The following KCND3 variants were observed in gnomAD, a reference collection of about 807,000 sequenced individuals.
The protein encoded by KCND3 is potassium voltage-gated channel subfamily D member 3, also known as A-type voltage-gated potassium channel KCND3.
A neutral mutation model predicts 51.1 loss-of-function variants in KCND3; 9 were observed. The ratio of observed to expected loss-of-function variants is 0.18; its 90% confidence interval spans 0.11 to 0.31. The LOEUF (loss-of-function observed/expected upper bound fraction) is 0.31. Among genes scored for constraint, KCND3 ranks in the 10% least tolerant of loss-of-function variants. KCND3 has a pLI of 1.00. For synonymous variants in KCND3, 349 were observed against 368.0 expected, an observed-to-expected ratio of 0.95 and a Z score of 0.59; for missense variants, 526 against 903.8, an observed-to-expected ratio of 0.58 and a Z score of 5.36.
At chr1:111,965,300 G>C (rs1260627169) in intron 2 of KCND3, among the ~76,000 whole-genome samples, 1 of 152,006 alleles carries the variant, frequency 6.6e-6, no homozygotes, top group Non-Finnish European at 1.5e-5. Context: ...GGTCACCTCT[G>C]AAGAGGTAAT....
chr1:111,870,884 C>A (rs191872469), intron 2 of KCND3, among the ~76,000 whole-genome samples: 228 of 152,276 alleles, frequency 1.5e-3, no homozygotes, highest in Middle Eastern at 6.8e-3. Context: ...AATATAACAT[C>A]CCCCTAGTAG....
At position 111,801,689 on chromosome 1, in the gene KCND3, C is replaced by T. The variant is rs543580213; in HGVS notation, c.1107-14583G>A. ...TCAGAGCACTCTGCTCTCCACTGCT[C>T]ATAGGGTAAATCCAGGTTGCTCCAA... is the stretch of plus-strand genomic sequence containing the variant. On this transcript the variant is annotated intron_variant, in intron 2 of 7. Transcript: ENST00000302127. Among the ~76,000 whole-genome samples, 33 of 152,350 alleles carry T rather than the reference C, an allele frequency of 2.2e-4. No homozygotes were observed. The South Asian group carries it at 5.8e-3, about 27-fold the overall frequency.
At chr1:111,892,159 A>T (rs554210700) in intron 2 of KCND3, among the ~76,000 whole-genome samples, 138 of 152,312 alleles carry the variant, frequency 9.1e-4, no homozygotes, top group African/African-American at 3.1e-3. Flanking sequence ...AGAACTGACG[A>T]CGACGGATGA....
intron 2 of KCND3, among the ~76,000 whole-genome samples, chr1:111,832,367 T>C (rs1666873385): frequency 1.3e-5 from 2 of 152,208 alleles, no homozygotes; most frequent in South Asian, 4.1e-4. Flanking sequence ...TCTTTTGTTC[T>C]TTTTCTGGAG....
chr1:111,919,857 GC>G (rs1407640651), intron 2 of KCND3, among the ~76,000 whole-genome samples: 1 of 152,200 alleles, frequency 6.6e-6, no homozygotes, highest in Non-Finnish European at 1.5e-5. Flanking sequence ...TGAAACAGGT[GC>G]CACTCATTTC....
chr1:111,970,022 T>TC (rs1674238964), intron 2 of KCND3, among the ~76,000 whole-genome samples: 1 of 146,406 alleles, frequency 6.8e-6, no homozygotes, highest in Non-Finnish European at 1.5e-5. Context: ...TCTCTCTCTC[T>TC]TTTTTTTTTT....
At chr1:111,888,484 C>A (rs1205083324) in intron 2 of KCND3, among the ~76,000 whole-genome samples, 1 of 151,884 alleles carries the variant, frequency 6.6e-6, no homozygotes, top group Non-Finnish European at 1.5e-5. Context: ...TCAGGCGTTC[C>A]CAGCCTGGCC....
At chr1:111,932,128 C>T (rs1399152007) in intron 2 of KCND3, among the ~76,000 whole-genome samples, 2 of 152,320 alleles carry the variant, frequency 1.3e-5, no homozygotes, top group African/African-American at 4.8e-5. Context: ...CCTCTTCCAC[C>T]TTAAAGACCC....
intron 2 of KCND3, among the ~76,000 whole-genome samples, chr1:111,827,583 C>T (rs780258138): frequency 6.6e-6 from 1 of 152,176 alleles, no homozygotes; most frequent in East Asian, 1.9e-4. Flanking sequence ...AAGTACATGC[C>T]AAGCGCTGGA....
intron 2 of KCND3, among the ~76,000 whole-genome samples, chr1:111,951,157 C>CAAAAAAAAAA (rs71081206): frequency 2.6e-4 from 8 of 30,636 alleles, no homozygotes; most frequent in East Asian, 5.6e-4. Context: ...CAAACAAGAG[C>CAAAAAAAAAA]AAAAAAAAAA....
chr1:111,899,339 A>G (rs1164780853), intron 2 of KCND3, among the ~76,000 whole-genome samples: 1 of 152,254 alleles, frequency 6.6e-6, no homozygotes, highest in African/African-American at 2.4e-5. Flanking sequence ...TGCAAACACC[A>G]GTCCCTCTCC....
intron 2 of KCND3, among the ~76,000 whole-genome samples, chr1:111,969,897 A>G (rs1230796549): frequency 6.6e-6 from 1 of 151,488 alleles, no homozygotes; most frequent in African/African-American, 2.4e-5. Context: ...GCCCCTGTGC[A>G]CTCTCCTGCT....
At chr1:111,803,721 C>T (rs569092101) in intron 2 of KCND3, among the ~76,000 whole-genome samples, 2 of 152,294 alleles carry the variant, frequency 1.3e-5, no homozygotes, top group Admixed American at 1.3e-4. Context: ...ATAGGATGTG[C>T]AGTGTGCTGA....
chr1:111,985,608 A>G lies in KCND3; in HGVS notation c.-72-2810T>C, dbSNP rs141257608. 1.9e-4 allele frequency among the ~76,000 whole-genome samples: 29 copies of G among 152,346 alleles called. No homozygotes were observed. The East Asian group carries it at 5.4e-3, about 28-fold the overall frequency. ...CAACTTTACTCTATGCCTTGCTAAT[A>G]TATTTCAGGGGTTGCCAAGGGTGAG... On this transcript the variant is annotated intron_variant, in intron 1 of 7. Transcript: ENST00000302127.
chr1:111,812,031 G>A (rs612231), intron 2 of KCND3, among the ~76,000 whole-genome samples: 57,408 of 152,060 alleles, frequency 0.38, 11,368 homozygotes, highest in South Asian at 0.53. Context: ...CAGTGTTCTC[G>A]TCTGGAAATG....
intron 2 of KCND3, among the ~76,000 whole-genome samples, chr1:111,867,534 A>G (rs1571766621): frequency 6.6e-6 from 1 of 152,102 alleles, no homozygotes; most frequent in Admixed American, 6.5e-5. Context: ...CCCTTTCCCT[A>G]TGGGAACACC....
At chr1:111,898,383 ACAT>A (rs1670222231) in intron 2 of KCND3, among the ~76,000 whole-genome samples, 1 of 152,072 alleles carries the variant, frequency 6.6e-6, no homozygotes, top group Non-Finnish European at 1.5e-5. Flanking sequence ...CTGTACCTCC[ACAT>A]GCCTGGCACA....
At chr1:111,937,388 C>T (rs2995811) in intron 2 of KCND3, among the ~76,000 whole-genome samples, 75,230 of 151,934 alleles carry the variant, frequency 0.5, 19,381 homozygotes, top group Middle Eastern at 0.6. Flanking sequence ...CAGCCCCAGG[C>T]GCTTTTCCAT....
chr1:111,936,469 G>A (rs187499756), intron 2 of KCND3, among the ~76,000 whole-genome samples: 8 of 152,314 alleles, frequency 5.3e-5, no homozygotes, highest in Admixed American at 2.6e-4. Context: ...AGAGGAAGGC[G>A]AAAATGGCAT....
Sources: allele counts gnomAD v4.1 joint callset (sites outside exome capture counted in the v4.1 genomes callset), GRCh38; gene constraint gnomAD v4.1.1; transcripts MANE v1.5; gene names NCBI Gene and HGNC (gene_info 2026-07-23, HGNC 2026-07-21).